The following STK33 variants were observed in gnomAD, a reference collection of about 807,000 sequenced individuals.
The protein encoded by STK33 is serine/threonine kinase 33, also known as serine/threonine-protein kinase 33.
In STK33, 52 loss-of-function variants were observed where a neutral mutation model predicts 58.0. That is an observed-to-expected ratio of 0.90 (90% confidence interval 0.72 to 1.13). The LOEUF (loss-of-function observed/expected upper bound fraction) is 1.13. STK33 is among the 50% of genes most tolerant of loss of function. STK33 has a pLI of 0.00. For missense variants in STK33, 630 were observed against 604.2 expected (o/e 1.04, Z -0.45); for synonymous variants, 215 against 200.1 (o/e 1.07, Z -0.63).
the STK33 span, among the ~76,000 whole-genome samples, chr11:8,370,202 CT>C: frequency 1.5e-4 from 22 of 148,270 alleles, no homozygotes; most frequent in South Asian, 1.7e-3. Flanking sequence ...AAAGATGAGG[CT>C]TTTTTTTTTA....
At chr11:8,574,002 A>G (rs1046886856) in intron 1 of STK33, among the ~76,000 whole-genome samples, 1 of 152,192 alleles carries the variant, frequency 6.6e-6, no homozygotes, top group African/African-American at 2.4e-5. Flanking sequence ...TGATGGTTAC[A>G]CAAAGTTCGT....
chr11:8,406,419 G>A (rs1021414301), intron 15 of STK33, among the ~76,000 whole-genome samples: 11 of 152,232 alleles, frequency 7.2e-5, no homozygotes, highest in African/African-American at 2.4e-4. Context: ...AAGTGTTCTA[G>A]ATTTCAACTG....
intron 1 of STK33, among the ~76,000 whole-genome samples, chr11:8,531,680 C>T (rs141433541): frequency 3.3e-5 from 5 of 152,250 alleles, no homozygotes; most frequent in Non-Finnish European, 7.4e-5. Context: ...CCCACAGAAC[C>T]GGGAAAAAGC....
the STK33 span, among the ~76,000 whole-genome samples, chr11:8,369,193 T>C: frequency 6.6e-6 from 1 of 152,192 alleles, no homozygotes; most frequent in African/African-American, 2.4e-5. Context: ...GGCAGGTGTT[T>C]TGAAGTCAGG....
chr11:8,440,792 A>T, intron 11 of STK33, 39 bp from the exon 12 acceptor site: 1 of 1,513,226 alleles, frequency 6.6e-7, no homozygotes, highest in Non-Finnish European at 9.0e-7. Flanking sequence ...TTAATAATAC[A>T]ATAAATGTCT....
At chr11:8,487,389 T>A (rs1950259833) in intron 1 of STK33, among the ~76,000 whole-genome samples, 1 of 130,832 alleles carries the variant, frequency 7.6e-6, no homozygotes, top group African/African-American at 3.0e-5. Context: ...GCCACTGGAC[T>A]CCAGCCTGAG....
intron 1 of STK33, among the ~76,000 whole-genome samples, chr11:8,494,709 A>G (rs1950910425): frequency 6.6e-6 from 1 of 152,234 alleles, no homozygotes; most frequent in Non-Finnish European, 1.5e-5. Flanking sequence ...ACAAGGCTAC[A>G]GTAACCAAAA....
At chr11:8,469,472 C>T (rs917484656) in intron 6 of STK33, among the ~76,000 whole-genome samples, 2 of 152,162 alleles carry the variant, frequency 1.3e-5, no homozygotes, top group African/African-American at 4.8e-5. Flanking sequence ...TCTATAGTTA[C>T]TTTATCCACT....
intron 4 of STK33, 34 bp downstream of exon 4, chr11:8,476,653 T>C (rs2137993434): frequency 6.6e-6 from 1 of 152,348 alleles, no homozygotes; most frequent in Non-Finnish European, 1.5e-5. Flanking sequence ...CCACCTCATC[T>C]AAAACAACAA....
At chr11:8,497,988 GC>G (rs1951191406) in intron 1 of STK33, among the ~76,000 whole-genome samples, 1 of 152,028 alleles carries the variant, frequency 6.6e-6, no homozygotes, top group South Asian at 2.1e-4. Flanking sequence ...ACTGAATTCA[GC>G]AGCATATAAA....
intron 1 of STK33, among the ~76,000 whole-genome samples, chr11:8,591,655 T>C (rs1246906873): frequency 3.9e-5 from 6 of 152,108 alleles, no homozygotes; most frequent in African/African-American, 1.4e-4. Context: ...TTGCAGCTTC[T>C]CTCCTCCAGC....
At chr11:8,407,071 T>G (rs920855989) in intron 15 of STK33, among the ~76,000 whole-genome samples, 2 of 152,100 alleles carry the variant, frequency 1.3e-5, no homozygotes, top group Admixed American at 1.3e-4. Flanking sequence ...GTGTTGAATT[T>G]TATCAAATGC....
intron 1 of STK33, among the ~76,000 whole-genome samples, chr11:8,520,358 C>G (rs944118667): frequency 2.6e-5 from 4 of 152,092 alleles, no homozygotes; most frequent in Non-Finnish European, 4.4e-5. Context: ...ATAATAAGAG[C>G]TATTTATGAC....
rs1269501659 is a variant in STK33 at position 8,474,884 on chromosome 11, T to C, written c.22A>G (p.Lys8Glu). 6.3e-7 allele frequency: 1 copy of C among 1,588,974 alleles called. No individual in the cohort carries two copies. The highest frequency in any genetic ancestry group is 8.6e-7 in the Non-Finnish European group (1 of 1,168,664). The stretch of plus-strand genomic sequence containing the variant: ...CAGTCGGGGCATTTTGTGGATTTTT[T>C]ATCTAAGCCACTATCAGCCATTTGT... The part of the protein sequence containing the change: MADSGLD[K>E]KSTKCPDCSS... Residue 8 changes from lysine (K) to glutamate (E), a missense_variant, in exon 5 of 16, where the codon AAA (lysine) becomes GAA (glutamate). Physicochemically the swap from Lys to Glu is moderately conservative, Grantham distance 56 (BLOSUM62 1). Coordinates refer to ENST00000687296, the MANE Select transcript of STK33 (RefSeq NM_001352389.2).
At chr11:8,454,675 A>G (rs918691015) in intron 10 of STK33, 69 bp downstream of exon 10, 6 of 1,478,796 alleles carry the variant, frequency 4.1e-6, no homozygotes, top group African/African-American at 1.4e-5. Flanking sequence ...GTCTAAAAAG[A>G]GGATGTACTT....
At chr11:8,354,845 G>A in the STK33 span, among the ~76,000 whole-genome samples, 2 of 152,264 alleles carry the variant, frequency 1.3e-5, no homozygotes, top group East Asian at 1.9e-4. Flanking sequence ...CTGGCTGGGC[G>A]CCGGCCCCTC....
At chr11:8,572,264 G>C (rs1957879998) in intron 1 of STK33, among the ~76,000 whole-genome samples, 1 of 151,998 alleles carries the variant, frequency 6.6e-6, no homozygotes, top group African/African-American at 2.4e-5. Context: ...GTTTCATCTT[G>C]ACAACAGAGA....
chr11:8,348,892 A>G, the STK33 span, among the ~76,000 whole-genome samples: 1 of 151,702 alleles, frequency 6.6e-6, no homozygotes, highest in Non-Finnish European at 1.5e-5. Flanking sequence ...GAAAAAAAAA[A>G]TCACATGACA....
At chr11:8,547,308 G>A (rs1422174631) in intron 1 of STK33, among the ~76,000 whole-genome samples, 3 of 152,092 alleles carry the variant, frequency 2.0e-5, no homozygotes, top group South Asian at 2.1e-4. Context: ...TCCGCCTCCC[G>A]GGTTCAAGTG....
Sources: gnomAD v4.1 joint callset for allele counts (sites outside exome capture counted in the v4.1 genomes callset) on GRCh38, gnomAD v4.1.1 for gene constraint, MANE v1.5 for transcripts, NCBI Gene and HGNC (gene_info 2026-07-23, HGNC 2026-07-21) for gene names.